The following RIC1 variants were observed in gnomAD, a reference collection of about 807,000 sequenced individuals.
The protein encoded by RIC1 is guanine nucleotide exchange factor subunit RIC1.
RIC1 carries 88 observed loss-of-function variants against 169.0 expected under a neutral mutation model. The ratio of observed to expected loss-of-function variants is 0.52; its 90% CI spans 0.44 to 0.62. RIC1 has a LOEUF of 0.62. Ranked by LOEUF, RIC1 falls within the 20% of genes least tolerant of loss-of-function variation. RIC1 has a pLI of 0.00. For synonymous variants in RIC1, 790 were observed against 601.5 expected (o/e 1.31, Z -4.59); for missense variants, 1,877 against 1,725.5 (o/e 1.09, Z -1.56).
Position 5,720,242 on chromosome 9 carries a change from T to C in RIC1, c.501T>C (p.Ile167=). Residue 167 remains isoleucine, a synonymous_variant, in exon 5 of 26, where the codon ATT becomes ATC. Transcript: ENST00000414202. ...CTTCTGATGGACTTCTTCATCTTAT[T>C]CACTGGGAAGGAATGACAAATGGAA... ...VATSDGLLHL[I]HWEGMTNGRK... 1 of 1,613,386 alleles carries C rather than the reference T, an allele frequency of 6.2e-7. No individual in the cohort carries two copies. Among genetic ancestry groups the C allele is most frequent in the Non-Finnish European group, 8.5e-7 (1 of 1,179,298 alleles).
intron 21 of RIC1, among the ~76,000 whole-genome samples, chr9:5,767,846 C>T (rs529927431): frequency 7.2e-4 from 110 of 152,330 alleles, no homozygotes; most frequent in Non-Finnish European, 1.4e-3. Context: ...CTCTGCCTCC[C>T]AAAGTGCTGG....
intron 15 of RIC1, 127 bp downstream of exon 15, chr9:5,755,057 GC>G: frequency 5.7e-6 from 3 of 528,620 alleles, no homozygotes; most frequent in Non-Finnish European, 6.1e-6. Flanking sequence ...CAAGAATGTA[GC>G]TTCTTTTAGG....
At chr9:5,699,472 A>G (rs114040840) in intron 3 of RIC1, among the ~76,000 whole-genome samples, 2,048 of 151,228 alleles carry the variant, frequency 0.014, 55 homozygotes, top group African/African-American at 0.047. Flanking sequence ...AAATGTATGT[A>G]TAGCTTACAT....
intron 7 of RIC1, among the ~76,000 whole-genome samples, chr9:5,733,615 T>A (rs1245898092): frequency 6.6e-6 from 1 of 152,108 alleles, no homozygotes; most frequent in Non-Finnish European, 1.5e-5. Flanking sequence ...ATTACACTCT[T>A]AATAAACTCT....
At chr9:5,713,609 C>CTAAA in intron 3 of RIC1, 1 of 246,588 alleles carries the variant, frequency 4.1e-6, no homozygotes, top group Admixed American at 5.2e-5. Context: ...TGTTGGTTCT[C>CTAAA]TTTAGAGTTA....
At chr9:5,720,541 T>G (rs1173194949) in intron 5 of RIC1, 73 bp from the exon 6 acceptor site, 1 of 1,434,110 alleles carries the variant, frequency 7.0e-7, no homozygotes, top group African/African-American at 1.4e-5. Context: ...ACTTACAGGT[T>G]TTTCTGGCAA....
At chr9:5,778,003 G>A (rs373640010), downstream of RIC1, among the ~76,000 whole-genome samples, 77 of 152,242 alleles carry the variant, frequency 5.1e-4, 2 homozygotes, top group East Asian at 7.9e-3. Flanking sequence ...AATAAAGGCA[G>A]TTGGGATTTT....
chr9:5,765,679 T>G lies in RIC1; in HGVS notation c.3018T>G (p.Gly1006=), dbSNP rs772157965. The part of the protein sequence containing the change: ...TPTAQEPSSS[G]GFEFFRNRSI... ...AATCCTAGGAACCCAGTTCAAGTGG[T>G]GGATTTGAGTTCTTCAGGAATCGAA... The change falls in exon 21 of 26, where the codon GGT becomes GGG. Residue 1006 remains glycine, a synonymous_variant. Transcript: ENST00000414202. The G allele has an allele frequency of 5.6e-6, 9 of 1,614,054 alleles. No individual in the cohort carries two copies. In the South Asian group the frequency reaches 9.9e-5, roughly 18 times the overall value.
chr9:5,700,413 G>A (rs1284988217), intron 3 of RIC1, among the ~76,000 whole-genome samples: 1 of 151,732 alleles, frequency 6.6e-6, no homozygotes, highest in East Asian at 1.9e-4. Flanking sequence ...AGTTTACTTT[G>A]GATTAAAAAT....
chr9:5,725,137 A>G lies in RIC1; in HGVS notation c.720+4387A>G, dbSNP rs186029078. 1.1e-4 allele frequency among the ~76,000 whole-genome samples: 17 copies of G among 152,292 alleles called. No homozygotes were observed. In the East Asian group the frequency reaches 2.7e-3, roughly 24 times the overall value. ...GAATAGTTTCAGAAGGAATGGTACC[A>G]GTTCCTCTTTGTACCTCTGATAGAA... On this transcript the variant is annotated intron_variant, in intron 6 of 25. Transcript: ENST00000414202.
chr9:5,658,831 T>G (rs1819269938), intron 2 of RIC1, among the ~76,000 whole-genome samples: 1 of 151,878 alleles, frequency 6.6e-6, no homozygotes, highest in African/African-American at 2.4e-5. Context: ...TTTTGTTTTT[T>G]TTTTTACCGA....
Position 5,705,276 on chromosome 9 carries a change from G to A in RIC1, c.333-8620G>A, listed in dbSNP as rs377503084. ...CTATAGCTGTTTGGGAAGTATTATCGTAACAATATTAAATATTCCATTCAT... is the reference window on the plus strand; with the variant it reads ...CTATAGCTGTTTGGGAAGTATTATCATAACAATATTAAATATTCCATTCAT... On this transcript the variant is annotated intron_variant, in intron 3 of 25. Coordinates refer to ENST00000414202, the MANE Select transcript of RIC1 (RefSeq NM_020829.4). Among the ~76,000 whole-genome samples, 88 of 145,676 alleles carry A rather than the reference G, an allele frequency of 6.0e-4. 3 individuals are homozygous for A. In the East Asian group the frequency reaches 9.3e-3, roughly 15 times the overall value.
chr9:5,723,383 C>T (rs200029878), intron 6 of RIC1, among the ~76,000 whole-genome samples: 27 of 152,224 alleles, frequency 1.8e-4, no homozygotes, highest in African/African-American at 5.1e-4. Context: ...TCATAGCCTT[C>T]GCCCACTTTT....
intron 21 of RIC1, among the ~76,000 whole-genome samples, chr9:5,767,463 A>C (rs969519712): frequency 1.5e-5 from 2 of 130,734 alleles, no homozygotes; most frequent in Admixed American, 8.5e-5. Flanking sequence ...CCTTTGTTTT[A>C]TATTGTTCAT....
intron 14 of RIC1, 87 bp from the exon 15 acceptor site, chr9:5,754,754 G>C: frequency 1.3e-6 from 1 of 778,292 alleles, no homozygotes; most frequent in Non-Finnish European, 2.0e-6. Flanking sequence ...TTTGAGCTTT[G>C]TCTGGGTAAG....
intron 17 of RIC1, 49 bp downstream of exon 17, chr9:5,757,500 G>C: frequency 6.3e-7 from 1 of 1,593,726 alleles, no homozygotes. Context: ...TCTGTTTTTA[G>C]TATTTGAGTC....
intron 1 of RIC1, among the ~76,000 whole-genome samples, chr9:5,643,588 A>G (rs766946375): frequency 6.6e-6 from 1 of 152,172 alleles, no homozygotes; most frequent in Non-Finnish European, 1.5e-5. Context: ...AGCCCTTTTT[A>G]TGCAAGGTGC....
In RIC1 at chr9:5,738,491, C is replaced by G; in HGVS notation, c.854C>G (p.Ala285Gly). The G allele has an allele frequency of 6.2e-7, 1 of 1,604,220 alleles. No individual in the cohort carries two copies. Among genetic ancestry groups the G allele is most frequent in the Non-Finnish European group, 8.5e-7 (1 of 1,177,202 alleles). The change falls in exon 8 of 26, where the codon GCC (alanine) becomes GGC (glycine). Residue 285 changes from alanine to glycine, a missense_variant. Transcript: ENST00000414202. ...QVYTIDNSTG[A>G]MLLSHKLELT... ...TATACAATAGATAACAGCACTGGAG[C>G]CATGCTGCTATCTCATAAATTAGAG...
chr9:5,638,079 C>G (rs943809757), intron 1 of RIC1, among the ~76,000 whole-genome samples: 2 of 152,072 alleles, frequency 1.3e-5, no homozygotes, highest in African/African-American at 4.8e-5. Flanking sequence ...TTATGAAATG[C>G]TTTTTCAGCA....
Sources: gnomAD v4.1 joint callset for allele counts (sites outside exome capture counted in the v4.1 genomes callset) on GRCh38, gnomAD v4.1.1 for gene constraint, MANE v1.5 for transcripts, NCBI Gene and HGNC (gene_info 2026-07-23, HGNC 2026-07-21) for gene names.